ACTG2: variants seen among roughly 807,000 people sequenced by gnomAD.
ACTG2 encodes the protein actin, gamma-enteric smooth muscle.
In ACTG2, 16 loss-of-function variants were observed where a neutral mutation model predicts 37.6. The observed-to-expected ratio is 0.43, with a 90% CI of 0.29 to 0.65. The LOEUF (loss-of-function observed/expected upper bound fraction) is 0.65. Among genes scored for constraint, ACTG2 ranks in the 30% least tolerant of loss-of-function variants. The pLI is 0.18. For missense variants in ACTG2, 238 were observed against 490.9 expected (o/e 0.48, Z 4.87); for synonymous variants, 181 against 179.9 (o/e 1.01, Z -0.05).
chr2:73,908,282 C>T (rs1166543896), intron 3 of ACTG2: 6 of 471,778 alleles, frequency 1.3e-5, no homozygotes, highest in Non-Finnish European at 2.2e-5. Context: ...TGCCCTCCTA[C>T]TTTCCAGCCT....
chr2:73,894,073 C>T (rs1679689159), intron 1 of ACTG2, among the ~76,000 whole-genome samples: 2 of 152,190 alleles, frequency 1.3e-5, no homozygotes, highest in Non-Finnish European at 2.9e-5. Flanking sequence ...ATATACAGCA[C>T]TCAGCTCAAG....
rs376773061 is a variant in ACTG2, at chr2:73,919,115, G to A, written c.988-317G>A. ...GCTTCCCAGGGGCAGCTCTTCTCAT[G>A]CACATGGCAGAGCAAGAGAACATGC... On this transcript the variant is annotated intron_variant, in intron 8 of 8. Coordinates refer to ENST00000345517, the MANE Select transcript of ACTG2 (RefSeq NM_001615.4). Among the ~76,000 whole-genome samples the A allele has an allele frequency of 9.9e-5, 15 of 152,284 alleles. 1 individual carries two copies. In the South Asian group the frequency reaches 1.9e-3, roughly 19 times the overall value.
chr2:73,896,347 CAAAAAA>C (rs59825980), intron 1 of ACTG2, among the ~76,000 whole-genome samples: 1 of 125,252 alleles, frequency 8.0e-6, no homozygotes, highest in Non-Finnish European at 1.7e-5. Flanking sequence ...CCCAGTATCT[CAAAAAA>C]AAAAAAAAAA....
intron 6 of ACTG2, 140 bp downstream of exon 6, chr2:73,913,786 G>C: frequency 1.4e-6 from 1 of 701,322 alleles, no homozygotes; most frequent in African/African-American, 1.8e-5. Flanking sequence ...TTAAGCTGGG[G>C]CTAGGCCTCT....
At chr2:73,903,514 A>G (rs1196901131) in intron 3 of ACTG2, among the ~76,000 whole-genome samples, 1 of 152,242 alleles carries the variant, frequency 6.6e-6, no homozygotes, top group Non-Finnish European at 1.5e-5. Context: ...GTGAAGATAA[A>G]AAACACTTTG....
At chr2:73,895,170 G>A (rs938391816) in intron 1 of ACTG2, among the ~76,000 whole-genome samples, 14 of 152,036 alleles carry the variant, frequency 9.2e-5, no homozygotes, top group Admixed American at 1.3e-4. Flanking sequence ...AGCAGTCCTG[G>A]AGGTGTGGAG....
chr2:73,901,496 T>C, intron 2 of ACTG2, 59 bp downstream of exon 2: 13 of 1,496,708 alleles, frequency 8.7e-6, no homozygotes, highest in Non-Finnish European at 1.2e-5. Flanking sequence ...CGCTGCACTG[T>C]GGAGACCCTG....
intron 1 of ACTG2, 59 bp from the exon 2 acceptor site, chr2:73,901,217 C>T: frequency 7.4e-7 from 1 of 1,353,740 alleles, no homozygotes; most frequent in Non-Finnish European, 9.8e-7. Flanking sequence ...AGCCAAGAAA[C>T]TGTCTCCAAA....
chr2:73,915,326 A>C (rs10190449), intron 7 of ACTG2, among the ~76,000 whole-genome samples: 19,435 of 143,502 alleles, frequency 0.14, 2,382 homozygotes, highest in African/African-American at 0.32. Context: ...TTGAGACCAG[A>C]CTGGGCAACA....
chr2:73,914,542 G>C (rs1198724927), intron 6 of ACTG2, 138 bp from the exon 7 acceptor site: 2 of 649,952 alleles, frequency 3.1e-6, no homozygotes, highest in African/African-American at 4.1e-5. Context: ...CTGGGTGACA[G>C]AGTGAGACTC....
Position 73,908,588 on chromosome 2 carries a change from C to T in ACTG2, c.256-85C>T. On this transcript the variant is annotated intron_variant, in intron 3 of 8. Transcript: ENST00000345517. ...CATCCCATCCTGTGTAACATGGTGC[C>T]ACACTCTCCCAGCATGGGAATGTCA... 2 of 1,150,474 alleles carry T rather than the reference C, an allele frequency of 1.7e-6. 1 individual carries two copies. Among genetic ancestry groups the T allele is most frequent in the South Asian group, 2.9e-5 (2 of 69,132 alleles). The allele number at this position is 1,150,474 out of a possible 1,614,324, so 71.3% of individuals were successfully genotyped here. A position where few individuals can be genotyped will look rare whatever the true frequency, so the allele number is the denominator to read the frequency against.
At chr2:73,893,974 A>G (rs1679686288) in intron 1 of ACTG2, among the ~76,000 whole-genome samples, 1 of 152,164 alleles carries the variant, frequency 6.6e-6, no homozygotes, top group Non-Finnish European at 1.5e-5. Flanking sequence ...CAAGTTACTG[A>G]GCGACCTCAG....
chr2:73,901,592 G>A lies in ACTG2; in HGVS notation c.126+155G>A. 8 of 586,238 alleles carry A rather than the reference G, an allele frequency of 1.4e-5. 3 individuals carry two copies. The highest frequency in any genetic ancestry group is 1.8e-5 in the Non-Finnish European group (8 of 448,588). The allele number at this position is 586,238 out of a possible 1,614,324, so 36.3% of individuals were successfully genotyped here. On this transcript the variant is annotated intron_variant, in intron 2 of 8. Transcript: ENST00000345517. The stretch of plus-strand genomic sequence containing the variant: ...TGTGTGTGTGTGTGTCTGTGCGTGT[G>A]TGTGTGTGTGTGTCTGTGCATGCAC...
chr2:73,916,125 C>G (rs570464631), intron 7 of ACTG2, among the ~76,000 whole-genome samples: 2 of 152,220 alleles, frequency 1.3e-5, no homozygotes, highest in African/African-American at 2.4e-5. Flanking sequence ...CGCCTGTAAT[C>G]CCAGCACTTT....
Position 73,901,338 on chromosome 2 carries a change from C to T in ACTG2, c.27C>T (p.Leu9=), listed in dbSNP as rs370710991. 4.3e-5 allele frequency: 70 copies of T among 1,612,184 alleles called. No homozygotes were observed. The highest frequency in any genetic ancestry group is 1.6e-4 in the African/African-American group (12 of 75,024). MCEEETTA[L]VCDNGSGLCK... is the part of the protein sequence containing the mutation. ...TGTGTGAAGAGGAGACCACCGCGCT[C>T]GTGTGTGACAATGGCTCTGGCCTGT... is the stretch of plus-strand genomic sequence containing the variant. Residue 9 remains leucine (L), a synonymous_variant, in exon 2 of 9, where the codon CTC becomes CTT. Transcript: ENST00000345517.
intron 1 of ACTG2, among the ~76,000 whole-genome samples, chr2:73,899,090 G>A (rs974312318): frequency 4.6e-5 from 7 of 152,068 alleles, no homozygotes; most frequent in African/African-American, 1.2e-4. Flanking sequence ...GATTACAGGC[G>A]TGAGCCACCG....
intron 3 of ACTG2, among the ~76,000 whole-genome samples, chr2:73,906,851 A>T (rs1163552490): frequency 6.6e-6 from 1 of 152,190 alleles, no homozygotes. Flanking sequence ...CAAAAAAGAA[A>T]CCAAAATCAA....
chr2:73,902,860 C>T, intron 3 of ACTG2: 1 of 1,199,906 alleles, frequency 8.3e-7, no homozygotes, highest in Non-Finnish European at 1.1e-6. Context: ...CATTGGAGGA[C>T]CTTTCCCTGC....
At position 73,914,840 on chromosome 2, in the gene ACTG2, C is replaced by T. The variant is rs758889276; in HGVS notation, c.774C>T (p.Cys258=). The T allele has an allele frequency of 1.3e-6, 2 of 1,597,056 alleles. No homozygotes were observed. Among genetic ancestry groups the T allele is most frequent in the Non-Finnish European group, 1.7e-6 (2 of 1,168,426 alleles). Reference sequence around the variant, plus strand: ...CCATTGGCAATGAGCGCTTCCGCTGCCCTGAGACCCTCTTCCAGCCTTCCT... The same window carrying T: ...CCATTGGCAATGAGCGCTTCCGCTGTCCTGAGACCCTCTTCCAGCCTTCCT... ...VITIGNERFR[C]PETLFQPSFI... is the part of the protein sequence containing the mutation. The change falls in exon 7 of 9, where the codon TGC becomes TGT. Residue 258 remains cysteine, a synonymous_variant. Coordinates refer to ENST00000345517, the MANE Select transcript of ACTG2 (RefSeq NM_001615.4).
Sources: gnomAD v4.1 joint callset for allele counts (sites outside exome capture counted in the v4.1 genomes callset) on GRCh38, gnomAD v4.1.1 for gene constraint, MANE v1.5 for transcripts, NCBI Gene and HGNC (gene_info 2026-07-23, HGNC 2026-07-21) for gene names.